Variants in XRCC4 observed in about 807,000 individuals in gnomAD.
XRCC4 encodes X-ray repair cross complementing 4, also known as DNA repair protein XRCC4.
In XRCC4, 28 loss-of-function variants were observed where a neutral mutation model predicts 39.1. The ratio of observed to expected loss-of-function variants is 0.72; its 90% CI spans 0.53 to 0.98. The LOEUF (loss-of-function observed/expected upper bound fraction) is 0.98, where lower values mean the gene tolerates loss of function less well. Among genes scored for constraint, XRCC4 ranks in the 50% least tolerant of loss-of-function variants. XRCC4 has a pLI of 0.00. For synonymous variants in XRCC4, 123 were observed against 126.4 expected (o/e 0.97, Z 0.18); for missense variants, 350 against 376.4 (o/e 0.93, Z 0.58).
intron 7 of XRCC4, among the ~76,000 whole-genome samples, chr5:83,351,778 G>A (rs1757091467): frequency 6.6e-6 from 1 of 152,170 alleles, no homozygotes; most frequent in African/African-American, 2.4e-5. Flanking sequence ...TCTAGTGGCA[G>A]CCAACTGTAG....
rs568287114 is a variant in XRCC4, at chr5:83,183,209, A to G, written c.316-12561A>G. On this transcript the variant is annotated intron_variant, in intron 3 of 7. Coordinates refer to ENST00000396027, the MANE Select transcript of XRCC4 (RefSeq NM_003401.5). ...CCTTTTTTTCCCCAGTCTTCCAAAA[A>G]TTAATGATGCTCTCTCTTGATATGA... 2.6e-5 allele frequency among the ~76,000 whole-genome samples: 4 copies of G among 152,154 alleles called. No individual in the cohort carries two copies. In the East Asian group the frequency reaches 7.7e-4, roughly 29 times the overall value.
At chr5:83,191,948 G>A (rs917145805) in intron 3 of XRCC4, among the ~76,000 whole-genome samples, 1 of 152,108 alleles carries the variant, frequency 6.6e-6, no homozygotes, top group Non-Finnish European at 1.5e-5. Flanking sequence ...GCTTTGAGGT[G>A]ATGGTAAGGG....
chr5:83,212,625 T>C (rs1176805911), intron 6 of XRCC4, among the ~76,000 whole-genome samples: 1 of 152,120 alleles, frequency 6.6e-6, no homozygotes, highest in East Asian at 1.9e-4. Context: ...AAACTTTAAG[T>C]GAGATAAATA....
intron 3 of XRCC4, among the ~76,000 whole-genome samples, chr5:83,133,887 G>C (rs77262437): frequency 0.016 from 2,388 of 152,264 alleles, 61 homozygotes; most frequent in African/African-American, 0.054. Flanking sequence ...TGCATATGAG[G>C]GCCCCTCTCT....
chr5:83,079,590 A>G (rs1032365802), intron 1 of XRCC4, among the ~76,000 whole-genome samples: 1 of 152,112 alleles, frequency 6.6e-6, no homozygotes, highest in Non-Finnish European at 1.5e-5. Context: ...GTGCAGTGGC[A>G]CAATCATGAC....
intron 1 of XRCC4, chr5:83,077,831 T>C (rs1331506894): frequency 1.9e-5 from 3 of 157,980 alleles, no homozygotes; most frequent in African/African-American, 7.2e-5. Flanking sequence ...GTGCGACCTG[T>C]TCACCCCCTT....
intron 6 of XRCC4, among the ~76,000 whole-genome samples, chr5:83,211,983 G>A (rs1751663747): frequency 6.6e-6 from 1 of 152,148 alleles, no homozygotes; most frequent in African/African-American, 2.4e-5. Context: ...CCATACTTGG[G>A]GGAAAAAAGT....
intron 4 of XRCC4, among the ~76,000 whole-genome samples, chr5:83,198,239 A>G (rs2136162): frequency 0.027 from 4,152 of 152,188 alleles, 160 homozygotes; most frequent in African/African-American, 0.084. Context: ...TCCATTCATG[A>G]TCCAAACATT....
chr5:83,311,069 T>C lies in XRCC4; in HGVS notation c.894-42062T>C, dbSNP rs1755694179. The C allele has an allele frequency of 2.5e-5, 6 of 239,218 alleles. 1 individual carries two copies. The South Asian group carries it at 2.7e-4, about 11-fold the overall frequency. The allele number at this position is 239,218 out of a possible 1,614,324, so 14.8% of individuals were successfully genotyped here. On this transcript the variant is annotated intron_variant, in intron 7 of 7. Coordinates refer to ENST00000396027, the MANE Select transcript of XRCC4 (RefSeq NM_003401.5). ...AATAAATTTTTATTGTATTAAGCCATCAAGTTTGTGGTAGTTTGTGGTAAT... is the reference window on the plus strand; with the variant it reads ...AATAAATTTTTATTGTATTAAGCCACCAAGTTTGTGGTAGTTTGTGGTAAT...
chr5:83,309,076 G>A (rs1016191905), intron 7 of XRCC4, among the ~76,000 whole-genome samples: 2 of 150,430 alleles, frequency 1.3e-5, no homozygotes, highest in African/African-American at 4.9e-5. Flanking sequence ...TCAGGAGATC[G>A]AGACCATCCC....
At chr5:83,224,911 T>A (rs1752231197) in intron 6 of XRCC4, among the ~76,000 whole-genome samples, 1 of 152,198 alleles carries the variant, frequency 6.6e-6, no homozygotes. Flanking sequence ...TCAACCATTA[T>A]TTTGAATTCC....
At chr5:83,192,600 C>T (rs1014050908) in intron 3 of XRCC4, among the ~76,000 whole-genome samples, 1 of 151,928 alleles carries the variant, frequency 6.6e-6, no homozygotes, top group Non-Finnish European at 1.5e-5. Flanking sequence ...CTGGAGCCAC[C>T]GCACCTGGCC....
rs796190631 is a variant in XRCC4, at chr5:83,237,059, AC to A, written c.746-21470del. 1.6e-4 allele frequency among the ~76,000 whole-genome samples: 24 copies of A among 152,228 alleles called. No homozygotes were observed. In the South Asian group the frequency reaches 3.9e-3, roughly 25 times the overall value. On this transcript the variant is annotated intron_variant, in intron 6 of 7. Coordinates refer to ENST00000396027, the MANE Select transcript of XRCC4 (RefSeq NM_003401.5). ...AATGCCTTTTTTCAAAAAGGCAATA[AC>A]TGATGCTGGTGAGGATGTGAAGAAA...
intron 7 of XRCC4, among the ~76,000 whole-genome samples, chr5:83,342,158 A>G (rs1436985223): frequency 6.6e-6 from 1 of 152,202 alleles, no homozygotes; most frequent in African/African-American, 2.4e-5. Flanking sequence ...GTACTTTGGT[A>G]TTGATTAATG....
At chr5:83,128,930 G>C (rs998758342) in intron 3 of XRCC4, among the ~76,000 whole-genome samples, 9 of 152,110 alleles carry the variant, frequency 5.9e-5, no homozygotes, top group Non-Finnish European at 1.3e-4. Context: ...TAGGTTGCCT[G>C]CTCACTCTGA....
At chr5:83,100,853 G>A (rs1745899376) in intron 1 of XRCC4, among the ~76,000 whole-genome samples, 1 of 152,092 alleles carries the variant, frequency 6.6e-6, no homozygotes, top group Non-Finnish European at 1.5e-5. Flanking sequence ...TACAGAGCAT[G>A]TGAGTAATTT....
chr5:83,135,684 A>G (rs1190026699), intron 3 of XRCC4, among the ~76,000 whole-genome samples: 1 of 151,480 alleles, frequency 6.6e-6, no homozygotes, highest in Non-Finnish European at 1.5e-5. Flanking sequence ...TACATTCGCT[A>G]ATCTTTTCTT....
intron 2 of XRCC4, among the ~76,000 whole-genome samples, chr5:83,107,889 A>G (rs1261659752): frequency 1.3e-5 from 2 of 151,920 alleles, no homozygotes; most frequent in African/African-American, 4.8e-5. Flanking sequence ...TGCAATACCA[A>G]CTAGAATCCT....
chr5:83,193,175 TA>T (rs1229474379), intron 3 of XRCC4, among the ~76,000 whole-genome samples: 2 of 152,090 alleles, frequency 1.3e-5, no homozygotes, highest in African/African-American at 4.8e-5. Flanking sequence ...GCATCTGTAG[TA>T]ATGTGCACAG....
Sources: gnomAD v4.1 joint callset for allele counts (sites outside exome capture counted in the v4.1 genomes callset) on GRCh38, gnomAD v4.1.1 for gene constraint, MANE v1.5 for transcripts, NCBI Gene and HGNC (gene_info 2026-07-23, HGNC 2026-07-21) for gene names.